Variants in IL10RA observed in about 807,000 individuals in gnomAD.
IL10RA encodes interleukin 10 receptor subunit alpha, also known as interleukin-10 receptor subunit alpha.
A neutral mutation model predicts 29.6 loss-of-function variants in IL10RA; 18 were observed. That is an observed-to-expected ratio of 0.61 (90% CI 0.42 to 0.90). The LOEUF (loss-of-function observed/expected upper bound fraction) is 0.90, where lower values mean the gene tolerates loss of function less well. Ranked by LOEUF, IL10RA falls within the 40% of genes least tolerant of loss-of-function variation. The pLI, the probability that IL10RA is intolerant of heterozygous loss-of-function variation, is 0.00. For synonymous variants in IL10RA, 292 were observed against 294.1 expected, an observed-to-expected ratio of 0.99 and a Z score of 0.07; for missense variants, 634 against 716.6, an observed-to-expected ratio of 0.88 and a Z score of 1.32.
rs1164378997 is a variant in IL10RA, at chr11:118,000,669, T to C, written c.*1028T>C. 3 of 454,160 alleles carry C rather than the reference T, an allele frequency of 6.6e-6. No individual in the cohort carries two copies. Among genetic ancestry groups the C allele is most frequent in the Admixed American group, 4.7e-5 (2 of 42,560 alleles). The allele number at this position is 454,160 out of a possible 1,614,324, so 28.1% of individuals were successfully genotyped here. A position where few individuals can be genotyped will look rare whatever the true frequency, so the allele number is the denominator to read the frequency against. Reference sequence around the variant, plus strand: ...GGTGTTCAGCTGTGTGATTTTGGACTAGCCACTTGTCAGAGGGCCTCAATC... The same window carrying C: ...GGTGTTCAGCTGTGTGATTTTGGACCAGCCACTTGTCAGAGGGCCTCAATC... On this transcript the variant is annotated 3_prime_UTR_variant, in exon 7 of 7. Transcript: ENST00000227752.
At chr11:117,998,158 CT>C (rs1437163736) in intron 6 of IL10RA, among the ~76,000 whole-genome samples, 1 of 152,204 alleles carries the variant, frequency 6.6e-6, no homozygotes, top group Non-Finnish European at 1.5e-5. Context: ...GAATAGAAAA[CT>C]TAATTTGGTG....
In IL10RA at chr11:117,989,511, G is replaced by A. The variant is rs1307511621; in HGVS notation, c.258G>A (p.Val86=). 1 of 1,614,234 alleles carries A rather than the reference G, an allele frequency of 6.2e-7. No individual in the cohort carries two copies. The highest frequency in any genetic ancestry group is 1.7e-5 in the Admixed American group (1 of 60,034). ...SQTLSYDLTA[V]TLDLYHSNGY... ...CCCTGTCCTATGACCTTACCGCAGT[G>A]ACCTTGGACCTGTACCACAGCAATG... Residue 86 remains valine, a synonymous_variant, in exon 3 of 7, where the codon GTG becomes GTA. Coordinates refer to ENST00000227752, the MANE Select transcript of IL10RA (RefSeq NM_001558.4). The surrounding 1 kb of genome is among the most constrained non-coding windows in gnomAD (Gnocchi z 4.5).
At chr11:117,986,990 C>G (rs1328731348) in intron 1 of IL10RA, 3 of 510,950 alleles carry the variant, frequency 5.9e-6, no homozygotes, top group African/African-American at 2.0e-5. Flanking sequence ...GATCTGATCC[C>G]CCTTGCTCCA....
Position 117,999,355 on chromosome 11 carries a change from A to C in IL10RA, c.1451A>C (p.Glu484Ala). 1.2e-6 allele frequency: 2 copies of C among 1,614,208 alleles called. No homozygotes were observed. The highest frequency in any genetic ancestry group is 1.7e-6 in the Non-Finnish European group (2 of 1,180,032). ...GPKFGRCLVD[E>A]AGLHPPALAK... ...AAATTCGGGAGATGCCTGGTTGATG[A>C]GGCAGGCTTGCATCCACCAGCCCTG... The change falls in exon 7 of 7, where the codon GAG (glutamate) becomes GCG (alanine). Residue 484 changes from glutamate (E) to alanine (A), a missense_variant. By Grantham distance (107) the Glu-to-Ala change is moderately radical (BLOSUM62 -1). Coordinates refer to ENST00000227752, the MANE Select transcript of IL10RA (RefSeq NM_001558.4).
intron 1 of IL10RA, 33 bp downstream of exon 1, chr11:117,986,567 T>C (rs1276590090): frequency 1.3e-6 from 2 of 1,549,966 alleles, no homozygotes; most frequent in South Asian, 1.2e-5. Flanking sequence ...TTCCCTGCCC[T>C]GCCCTCTCCG....
chr11:117,990,627 T>C (rs189114515), intron 3 of IL10RA, among the ~76,000 whole-genome samples: 2 of 152,282 alleles, frequency 1.3e-5, no homozygotes, highest in African/African-American at 4.8e-5. Context: ...TGGGGGGATA[T>C]TGATGACCCT....
chr11:117,988,360 G>C, intron 1 of IL10RA, 22 bp from the exon 2 acceptor site: 1 of 1,613,930 alleles, frequency 6.2e-7, no homozygotes, highest in East Asian at 2.2e-5. Context: ...CCCAGCTGTG[G>C]TACTGACACT....
At chr11:117,988,244 C>T in intron 1 of IL10RA, 138 bp from the exon 2 acceptor site, 1 of 976,944 alleles carries the variant, frequency 1.0e-6, no homozygotes, top group Non-Finnish European at 1.6e-6. Flanking sequence ...GATTCATGTG[C>T]CCACTCTGCC....
At chr11:117,987,965 G>A in intron 1 of IL10RA, 1 of 291,876 alleles carries the variant, frequency 3.4e-6, no homozygotes, top group Non-Finnish European at 6.8e-6. Flanking sequence ...TTGAGCTGGA[G>A]CCTGGGCCAA....
At chr11:118,002,107 G>A (rs751078606), downstream of IL10RA, 15 of 152,934 alleles carry the variant, frequency 9.8e-5, no homozygotes, top group African/African-American at 2.4e-4. Context: ...TCCTAAGTGC[G>A]GAAGCCATCT....
At chr11:117,986,558 TCCCTG>T in intron 1 of IL10RA, 24 bp downstream of exon 1, 1 of 1,550,952 alleles carries the variant, frequency 6.4e-7, no homozygotes, top group East Asian at 2.4e-5. Context: ...ACGCGGCCCT[TCCCTG>T]CCCTGCCCTC....
chr11:117,995,280 G>A (rs1046065350), intron 5 of IL10RA: 1 of 418,568 alleles, frequency 2.4e-6, no homozygotes, highest in Non-Finnish European at 4.5e-6. Context: ...GCAGCCCCCG[G>A]AGCCTCGATT....
chr11:118,001,753 G>GT (rs2058097132), downstream of IL10RA: 4 of 233,912 alleles, frequency 1.7e-5, no homozygotes, highest in African/African-American at 9.0e-5. Flanking sequence ...AGGTGTAAAT[G>GT]AAATTGCACA....
rs1200409619 is a variant in IL10RA, at chr11:117,989,700, A to G, written c.367+80A>G. The G allele has an allele frequency of 1.7e-5, 24 of 1,406,404 alleles. No individual in the cohort carries two copies. Among genetic ancestry groups the G allele is most frequent in the Non-Finnish European group, 2.0e-5 (20 of 1,012,834 alleles). 87.1% of individuals were successfully genotyped at this position (1,406,404 alleles called of 1,614,324 possible). A position where few individuals can be genotyped will look rare whatever the true frequency, so the allele number is the denominator to read the frequency against. ...ACTCTAGTCTAGAGCTTTTCTGTCT[A>G]TTACCATAGCTCACCATGTCTGCCA... On this transcript the variant is annotated intron_variant, in intron 3 of 6. Coordinates refer to ENST00000227752, the MANE Select transcript of IL10RA (RefSeq NM_001558.4). This position sits in a 1 kb window ranked among gnomAD's most constrained non-coding sequence, Gnocchi z 4.5.
chr11:117,992,305 A>G (rs1038663018), intron 3 of IL10RA, among the ~76,000 whole-genome samples: 5 of 152,228 alleles, frequency 3.3e-5, no homozygotes, highest in African/African-American at 9.6e-5. Context: ...TGAGAAATTC[A>G]CCACCAGCGA....
intron 2 of IL10RA, 85 bp downstream of exon 2, chr11:117,988,587 T>G (rs952977300): frequency 3.3e-6 from 5 of 1,529,004 alleles, no homozygotes; most frequent in Non-Finnish European, 4.5e-6. Context: ...GATACCTGCC[T>G]TGTTAATGAA....
chr11:117,988,179 G>C (rs2057998967), intron 1 of IL10RA: 1 of 637,132 alleles, frequency 1.6e-6, no homozygotes, highest in South Asian at 1.8e-5. Context: ...TGATCACAGA[G>C]AGCACAGGGC....
At chr11:117,991,895 C>T (rs1020026793) in intron 3 of IL10RA, among the ~76,000 whole-genome samples, 4 of 152,016 alleles carry the variant, frequency 2.6e-5, no homozygotes, top group African/African-American at 7.3e-5. Context: ...CCACCATGCC[C>T]GGCTAATTTT....
chr11:117,999,429 T>C lies in IL10RA; in HGVS notation c.1525T>C (p.Ser509Pro), dbSNP rs995033750. The C allele has an allele frequency of 6.2e-7, 1 of 1,614,202 alleles. No homozygotes were observed. Among genetic ancestry groups the C allele is most frequent in the African/African-American group, 1.3e-5 (1 of 75,050 alleles). Residue 509 changes from serine to proline, a missense_variant, in exon 7 of 7, where the codon TCA (serine) becomes CCA (proline). Transcript: ENST00000227752. The stretch of plus-strand genomic sequence containing the variant: ...TCCTCTAGAAATGACTCTGGCTTCC[T>C]CAGGGGCCCCAACGGGACAGTGGAA... ...QDPLEMTLASSGAPTGQWNQP... is the reference protein window; with the variant it reads ...QDPLEMTLASPGAPTGQWNQP...
Sources: allele counts gnomAD v4.1 joint callset (sites outside exome capture counted in the v4.1 genomes callset), GRCh38; gene constraint gnomAD v4.1.1; non-coding constraint Gnocchi (gnomAD v3.1); transcripts MANE v1.5; gene names NCBI Gene and HGNC (gene_info 2026-07-23, HGNC 2026-07-21).